HEMK2: variants seen among roughly 807,000 people sequenced by gnomAD.
HEMK2 encodes the protein HemK methyltransferase 2, ETF1 glutamine and histone H4 lysine, also known as methyltransferase HEMK2.
chr21:28,576,793 C>A, the HEMK2 span, among the ~76,000 whole-genome samples: 1 of 152,114 alleles, frequency 6.6e-6, no homozygotes, highest in East Asian at 1.9e-4. Flanking sequence ...TCACTGCAAC[C>A]TCCACCTCCC....
chr21:28,728,081 C>A, the HEMK2 span, among the ~76,000 whole-genome samples: 15 of 152,222 alleles, frequency 9.9e-5, no homozygotes, highest in African/African-American at 3.6e-4. Flanking sequence ...CTTGGGACCT[C>A]CAGAACTAGA....
the HEMK2 span, among the ~76,000 whole-genome samples, chr21:28,789,699 G>C: frequency 7.9e-4 from 121 of 152,280 alleles, no homozygotes; most frequent in Non-Finnish European, 1.2e-3. Context: ...AGAAAGTCTT[G>C]CAAGCAACAG....
the HEMK2 span, among the ~76,000 whole-genome samples, chr21:28,708,897 G>A: frequency 1.3e-5 from 2 of 152,186 alleles, no homozygotes; most frequent in Admixed American, 1.3e-4. Context: ...AATGAAGACT[G>A]TCTTAGTTCA....
At chr21:28,725,133 G>T in the HEMK2 span, among the ~76,000 whole-genome samples, 1 of 152,158 alleles carries the variant, frequency 6.6e-6, no homozygotes, top group African/African-American at 2.4e-5. Context: ...AGGACCAGCT[G>T]ATAGTCCTGA....
At chr21:28,815,007 T>G in the HEMK2 span, among the ~76,000 whole-genome samples, 1 of 151,994 alleles carries the variant, frequency 6.6e-6, no homozygotes, top group Non-Finnish European at 1.5e-5. Context: ...TAGACTGGAT[T>G]AAGAAAATGT....
chr21:28,582,340 T>A, the HEMK2 span, among the ~76,000 whole-genome samples: 1 of 152,224 alleles, frequency 6.6e-6, no homozygotes, highest in Non-Finnish European at 1.5e-5. Flanking sequence ...TATCATTTTT[T>A]TTCTCAGATG....
chr21:28,606,557 GA>G, the HEMK2 span, among the ~76,000 whole-genome samples: 2 of 152,184 alleles, frequency 1.3e-5, no homozygotes, highest in African/African-American at 4.8e-5. Flanking sequence ...AAAAAAATGG[GA>G]AAAAACTGTG....
chr21:28,763,445 C>T, the HEMK2 span, among the ~76,000 whole-genome samples: 1 of 152,074 alleles, frequency 6.6e-6, no homozygotes, highest in Non-Finnish European at 1.5e-5. Flanking sequence ...CTTGCGTGAA[C>T]TCACTCATCA....
the HEMK2 span, among the ~76,000 whole-genome samples, chr21:28,597,359 G>A: frequency 1.3e-5 from 2 of 152,176 alleles, no homozygotes; most frequent in Non-Finnish European, 2.9e-5. Flanking sequence ...CAAGAAAAGA[G>A]ACAACACTGG....
the HEMK2 span, among the ~76,000 whole-genome samples, chr21:28,836,740 C>A: frequency 2.0e-5 from 3 of 152,072 alleles, no homozygotes; most frequent in African/African-American, 7.2e-5. Flanking sequence ...AACTCACCAA[C>A]CAACCATCTG....
At chr21:28,629,377 G>A in the HEMK2 span, among the ~76,000 whole-genome samples, 49 of 152,274 alleles carry the variant, frequency 3.2e-4, no homozygotes, top group South Asian at 1.2e-3. Flanking sequence ...GCGTGGTCAC[G>A]CAATCACCTC....
At chr21:28,635,895 T>G in the HEMK2 span, among the ~76,000 whole-genome samples, 1 of 152,178 alleles carries the variant, frequency 6.6e-6, no homozygotes, top group African/African-American at 2.4e-5. Flanking sequence ...TAAATATGCT[T>G]GAGGAATAGA....
At chr21:28,636,843 C>T in the HEMK2 span, among the ~76,000 whole-genome samples, 5 of 152,132 alleles carry the variant, frequency 3.3e-5, no homozygotes, top group African/African-American at 7.2e-5. Context: ...CACTTTTACC[C>T]GAGTCCCTCA....
the HEMK2 span, among the ~76,000 whole-genome samples, chr21:28,755,683 TAC>T: frequency 6.7e-6 from 1 of 148,196 alleles, no homozygotes; most frequent in Non-Finnish European, 1.5e-5. Flanking sequence ...AGCCAGGTGC[TAC>T]TGCATAGCCA....
At chr21:28,747,115 G>C in the HEMK2 span, among the ~76,000 whole-genome samples, 1,658 of 152,338 alleles carry the variant, frequency 0.011, 25 homozygotes, top group African/African-American at 0.037. Context: ...TGTGGCCATG[G>C]AGTCTACAGG....
chr21:28,604,363 T>A, the HEMK2 span, among the ~76,000 whole-genome samples: 5 of 152,200 alleles, frequency 3.3e-5, no homozygotes, highest in African/African-American at 1.2e-4. Flanking sequence ...TATACCTATG[T>A]ATCAAACCTG....
chr21:28,835,719 A>G, the HEMK2 span, among the ~76,000 whole-genome samples: 12 of 152,352 alleles, frequency 7.9e-5, no homozygotes, highest in African/African-American at 2.9e-4. Context: ...GCAAAGTTCA[A>G]TGCAAGGAAA....
the HEMK2 span, among the ~76,000 whole-genome samples, chr21:28,813,277 C>T: frequency 3.9e-5 from 6 of 152,106 alleles, no homozygotes; most frequent in Non-Finnish European, 8.8e-5. Context: ...AATCAATGTG[C>T]AAAAATCACA....
At chr21:28,810,928 T>C in the HEMK2 span, among the ~76,000 whole-genome samples, 14 of 152,198 alleles carry the variant, frequency 9.2e-5, no homozygotes, top group Non-Finnish European at 1.8e-4. Flanking sequence ...AACAAGTGTA[T>C]GCATTATTGC....
Sources: gnomAD v4.1 joint callset for allele counts (sites outside exome capture counted in the v4.1 genomes callset) on GRCh38, gnomAD v4.1.1 for gene constraint, MANE v1.5 for transcripts, NCBI Gene and HGNC (gene_info 2026-07-23, HGNC 2026-07-21) for gene names.